SLC24A3: variants seen among roughly 807,000 people sequenced by gnomAD.
The protein encoded by SLC24A3 is sodium/potassium/calcium exchanger 3.
A neutral mutation model predicts 75.8 loss-of-function variants in SLC24A3; 28 were observed. That is an observed-to-expected ratio of 0.37 (90% confidence interval 0.27 to 0.51). The LOEUF is 0.51. Among genes scored for constraint, SLC24A3 ranks in the 20% least tolerant of loss-of-function variants. SLC24A3 has a pLI of 0.94. For missense variants in SLC24A3, 663 were observed against 847.8 expected, an observed-to-expected ratio of 0.78 and a Z score of 2.71; for synonymous variants, 372 against 334.1, an observed-to-expected ratio of 1.11 and a Z score of -1.24.
intron 1 of SLC24A3, among the ~76,000 whole-genome samples, chr20:19,227,448 C>G (rs1008985298): frequency 6.6e-6 from 1 of 151,168 alleles, no homozygotes; most frequent in Non-Finnish European, 1.5e-5. Context: ...CGCCGTATCT[C>G]TTTCCCTTTA....
At chr20:19,502,510 G>A (rs915673025) in intron 2 of SLC24A3, among the ~76,000 whole-genome samples, 1 of 152,014 alleles carries the variant, frequency 6.6e-6, no homozygotes, top group African/African-American at 2.4e-5. Flanking sequence ...CACATCTCAG[G>A]ACTAAGGGCA....
intron 3 of SLC24A3, among the ~76,000 whole-genome samples, chr20:19,521,252 G>T (rs567259305): frequency 2.0e-5 from 3 of 152,228 alleles, no homozygotes; most frequent in African/African-American, 7.2e-5. Flanking sequence ...TGCTTCTTCA[G>T]TACCTCCCGG....
intron 2 of SLC24A3, among the ~76,000 whole-genome samples, chr20:19,450,975 G>A (rs1987470004): frequency 6.6e-6 from 1 of 152,162 alleles, no homozygotes; most frequent in Admixed American, 6.5e-5. Context: ...ACTCCAGCCT[G>A]GGTGACAGAG....
At chr20:19,430,263 T>C (rs541588285) in intron 2 of SLC24A3, among the ~76,000 whole-genome samples, 1 of 152,312 alleles carries the variant, frequency 6.6e-6, no homozygotes, top group East Asian at 1.9e-4. Flanking sequence ...TTCTGTTTTC[T>C]GGGCTCACTG....
intron 2 of SLC24A3, among the ~76,000 whole-genome samples, chr20:19,470,814 C>T (rs560463343): frequency 7.9e-5 from 12 of 152,302 alleles, no homozygotes; most frequent in South Asian, 2.1e-4. Context: ...GTGAAACTCA[C>T]GTAGACCCAG....
chr20:19,575,254 CAAAAAAAAAAAAAA>C (rs34789411), intron 3 of SLC24A3, among the ~76,000 whole-genome samples: 2 of 72,642 alleles, frequency 2.8e-5, no homozygotes, highest in African/African-American at 9.5e-5. Context: ...GAGACACTCT[CAAAAAAAAAAAAAA>C]AAAAAAAAAG....
At chr20:19,516,685 C>T (rs1002008506) in intron 3 of SLC24A3, among the ~76,000 whole-genome samples, 2 of 152,348 alleles carry the variant, frequency 1.3e-5, no homozygotes, top group East Asian at 3.9e-4. Flanking sequence ...GCATGGCAGC[C>T]TCAGGCAGTC....
At chr20:19,669,629 C>A (rs948853305) in intron 8 of SLC24A3, among the ~76,000 whole-genome samples, 19 of 152,112 alleles carry the variant, frequency 1.2e-4, no homozygotes, top group East Asian at 3.9e-4. Flanking sequence ...GAAGGCCCAA[C>A]AAGAAAACTA....
chr20:19,344,637 C>T (rs1256967705), intron 2 of SLC24A3, among the ~76,000 whole-genome samples: 1 of 152,166 alleles, frequency 6.6e-6, no homozygotes, highest in Admixed American at 6.5e-5. Flanking sequence ...AGACAGTATA[C>T]CACAGGCTTG....
chr20:19,639,484 C>T (rs529217461), intron 6 of SLC24A3, among the ~76,000 whole-genome samples: 2 of 152,374 alleles, frequency 1.3e-5, no homozygotes, highest in East Asian at 1.9e-4. Context: ...ATACAGAGTG[C>T]CCATTGGTGT....
At chr20:19,453,207 C>G (rs954412413) in intron 2 of SLC24A3, among the ~76,000 whole-genome samples, 1 of 151,918 alleles carries the variant, frequency 6.6e-6, no homozygotes, top group African/African-American at 2.4e-5. Context: ...ACAAATTAGC[C>G]AGTTGTGATG....
intron 2 of SLC24A3, among the ~76,000 whole-genome samples, chr20:19,408,019 C>T (rs909474839): frequency 6.6e-6 from 1 of 152,094 alleles, no homozygotes; most frequent in Non-Finnish European, 1.5e-5. Context: ...AAAAAAATAC[C>T]AACAGTTTGC....
intron 2 of SLC24A3, among the ~76,000 whole-genome samples, chr20:19,500,303 G>A (rs1055118687): frequency 6.6e-5 from 10 of 152,136 alleles, no homozygotes; most frequent in East Asian, 1.9e-4. Context: ...CCGCCACCTC[G>A]GAAGCTATTA....
At chr20:19,227,236 G>A (rs915799934) in intron 1 of SLC24A3, among the ~76,000 whole-genome samples, 2 of 152,176 alleles carry the variant, frequency 1.3e-5, no homozygotes, top group Admixed American at 6.5e-5. Flanking sequence ...CGTTTTACAC[G>A]TTTGTTGAAC....
intron 10 of SLC24A3, 104 bp downstream of exon 10, chr20:19,682,095 A>G (rs1438646884): frequency 1.5e-6 from 2 of 1,291,068 alleles, no homozygotes; most frequent in African/African-American, 2.9e-5. Context: ...TTTACTAAAA[A>G]TACAACAAAA....
At chr20:19,544,090 A>G (rs1468376372) in intron 3 of SLC24A3, among the ~76,000 whole-genome samples, 1 of 152,044 alleles carries the variant, frequency 6.6e-6, no homozygotes, top group Non-Finnish European at 1.5e-5. Flanking sequence ...CAAAAATATC[A>G]TTTCCCAGCC....
chr20:19,507,691 A>C (rs1015059384), intron 2 of SLC24A3, among the ~76,000 whole-genome samples: 4 of 152,178 alleles, frequency 2.6e-5, no homozygotes, highest in African/African-American at 9.7e-5. Flanking sequence ...GGGATGTAGA[A>C]ATACTCCTCC....
chr20:19,522,036 C>A (rs1389745420), intron 3 of SLC24A3, among the ~76,000 whole-genome samples: 5 of 152,184 alleles, frequency 3.3e-5, no homozygotes, highest in African/African-American at 1.2e-4. Flanking sequence ...GTCCAGTAGT[C>A]TAAATCTGTG....
chr20:19,429,951 G>A (rs1471471953), intron 2 of SLC24A3, among the ~76,000 whole-genome samples: 1 of 152,120 alleles, frequency 6.6e-6, no homozygotes, highest in African/African-American at 2.4e-5. Flanking sequence ...AAAAAAAGAG[G>A]AGGGCCTGGG....
Sources: allele counts gnomAD v4.1 joint callset (sites outside exome capture counted in the v4.1 genomes callset), GRCh38; gene constraint gnomAD v4.1.1; transcripts MANE v1.5; gene names NCBI Gene and HGNC (gene_info 2026-07-23, HGNC 2026-07-21).